The following RABGAP1L variants were observed in gnomAD, a reference collection of about 807,000 sequenced individuals.
RABGAP1L encodes the protein RAB GTPase activating protein 1 like, also known as rab GTPase-activating protein 1-like.
A neutral mutation model predicts 137.7 loss-of-function variants in RABGAP1L; 63 were observed. That is an observed-to-expected ratio of 0.46 (90% CI 0.37 to 0.56). RABGAP1L has a LOEUF of 0.56. Among genes scored for constraint, RABGAP1L ranks in the 20% least tolerant of loss-of-function variants. The pLI is 0.00. For synonymous variants in RABGAP1L, 431 were observed against 433.7 expected, an observed-to-expected ratio of 0.99 and a Z score of 0.08; for missense variants, 1,095 against 1,244.0, an observed-to-expected ratio of 0.88 and a Z score of 1.80.
intron 11 of RABGAP1L, among the ~76,000 whole-genome samples, chr1:174,327,442 CTG>C (rs1476589031): frequency 1.3e-5 from 2 of 151,656 alleles, no homozygotes; most frequent in Non-Finnish European, 2.9e-5. Context: ...AATAATATAA[CTG>C]TAAGATGTTT....
chr1:174,301,508 A>G (rs1171613703), intron 10 of RABGAP1L, among the ~76,000 whole-genome samples: 1 of 151,568 alleles, frequency 6.6e-6, no homozygotes, highest in East Asian at 2.0e-4. Context: ...GAGGGCCACA[A>G]TGTTACAGCC....
intron 13 of RABGAP1L, among the ~76,000 whole-genome samples, chr1:174,536,051 G>A (rs1446582147): frequency 6.6e-6 from 1 of 152,010 alleles, no homozygotes; most frequent in African/African-American, 2.4e-5. Flanking sequence ...TATATTTGTG[G>A]TTTCTGTAGG....
chr1:174,596,984 T>C (rs866824241), intron 13 of RABGAP1L, among the ~76,000 whole-genome samples: 38 of 152,236 alleles, frequency 2.5e-4, no homozygotes, highest in African/African-American at 8.7e-4. Flanking sequence ...TCATATGGTC[T>C]ACGTCCTTCA....
At chr1:174,937,419 G>C (rs566854355) in intron 19 of RABGAP1L, among the ~76,000 whole-genome samples, 2 of 148,462 alleles carry the variant, frequency 1.3e-5, no homozygotes, top group African/African-American at 5.0e-5. Context: ...CAAGTAGCTG[G>C]GATAATAGGT....
intron 13 of RABGAP1L, among the ~76,000 whole-genome samples, chr1:174,561,886 T>TA (rs1433458827): frequency 6.6e-6 from 1 of 152,088 alleles, no homozygotes; most frequent in Non-Finnish European, 1.5e-5. Context: ...ACATAAGACC[T>TA]AAAACCATAA....
chr1:174,362,084 TC>T (rs1484951220), intron 11 of RABGAP1L, among the ~76,000 whole-genome samples: 33 of 152,348 alleles, frequency 2.2e-4, no homozygotes, highest in African/African-American at 7.7e-4. Flanking sequence ...GGTCTCCATC[TC>T]CATCCATGTC....
chr1:174,984,522 C>T (rs947156684), intron 24 of RABGAP1L, among the ~76,000 whole-genome samples: 1 of 152,154 alleles, frequency 6.6e-6, no homozygotes, highest in Non-Finnish European at 1.5e-5. Flanking sequence ...GGGCAGATCA[C>T]CTGAGGTCAG....
At chr1:174,843,275 G>T (rs1485414521) in intron 19 of RABGAP1L, among the ~76,000 whole-genome samples, 1 of 127,916 alleles carries the variant, frequency 7.8e-6, no homozygotes, top group Non-Finnish European at 1.6e-5. Flanking sequence ...TGTGCACATT[G>T]TGCAGGTTAG....
intron 13 of RABGAP1L, among the ~76,000 whole-genome samples, chr1:174,515,831 T>C (rs1335964254): frequency 6.6e-6 from 1 of 151,908 alleles, no homozygotes; most frequent in Non-Finnish European, 1.5e-5. Context: ...GGCATAACTC[T>C]GGAAATTATT....
At chr1:174,234,276 T>G (rs2148519158) in intron 4 of RABGAP1L, among the ~76,000 whole-genome samples, 1 of 117,702 alleles carries the variant, frequency 8.5e-6, no homozygotes, top group African/African-American at 4.6e-5. Flanking sequence ...TTTAATTAGA[T>G]CCCATTTGTC....
At chr1:174,771,886 G>A (rs1686136907) in intron 18 of RABGAP1L, among the ~76,000 whole-genome samples, 1 of 152,204 alleles carries the variant, frequency 6.6e-6, no homozygotes, top group Non-Finnish European at 1.5e-5. Context: ...TGTATCTGAT[G>A]CTGTGCTAAG....
At chr1:174,169,299 AGCCTCTG>A (rs1665157127) in intron 1 of RABGAP1L, among the ~76,000 whole-genome samples, 2 of 151,760 alleles carry the variant, frequency 1.3e-5, no homozygotes, top group Admixed American at 1.3e-4. Flanking sequence ...GGCTCACTGC[AGCCTCTG>A]ACCTCTGCCT....
chr1:174,660,698 C>A (rs569338462), intron 14 of RABGAP1L, among the ~76,000 whole-genome samples: 1 of 152,308 alleles, frequency 6.6e-6, no homozygotes, highest in East Asian at 1.9e-4. Context: ...GAGCCCTTGC[C>A]CTGGCTGTTC....
At chr1:174,974,494 C>G (rs1186332237) in intron 21 of RABGAP1L, among the ~76,000 whole-genome samples, 1 of 152,142 alleles carries the variant, frequency 6.6e-6, no homozygotes, top group African/African-American at 2.4e-5. Flanking sequence ...TGATGTACAT[C>G]AGGTGACTTA....
intron 5 of RABGAP1L, chr1:174,245,003 T>G (rs1465876361): frequency 1.3e-5 from 2 of 152,232 alleles, no homozygotes; most frequent in Non-Finnish European, 2.9e-5. Flanking sequence ...ATACTTATTC[T>G]TATTGCATTG....
chr1:174,796,424 C>T (rs1231922183), intron 18 of RABGAP1L, among the ~76,000 whole-genome samples: 1 of 152,146 alleles, frequency 6.6e-6, no homozygotes, highest in African/African-American at 2.4e-5. Context: ...GCTTTTAGGG[C>T]TTCAAAAATC....
rs61468070 is a variant in RABGAP1L at position 174,274,606 on chromosome 1, C to CTGTGTGTGTGTGTGTGTGTGTG, written c.1054-1215_1054-1194dup. ...CCCTATCATTAAGCAACAGGTGACT[C>CTGTGTGTGTGTGTGTGTGTGTG]TGTGTGTGTGTGTGTGTGTGTGTGT... On this transcript the variant is annotated intron_variant, in intron 8 of 25. Coordinates refer to ENST00000681986, the MANE Select transcript of RABGAP1L (RefSeq NM_001366446.1). Among the ~76,000 whole-genome samples, 68 of 146,160 alleles carry CTGTGTGTGTGTGTGTGTGTGTG rather than the reference C, an allele frequency of 4.7e-4. 1 individual carries two copies. Among genetic ancestry groups the CTGTGTGTGTGTGTGTGTGTGTG allele is most frequent in the African/African-American group, 1.7e-3 (67 of 39,176 alleles).
chr1:174,223,264 TAAAAAAAAAAA>T (rs550034492), intron 3 of RABGAP1L, among the ~76,000 whole-genome samples: 7 of 39,850 alleles, frequency 1.8e-4, no homozygotes, highest in Admixed American at 5.2e-4. Flanking sequence ...AGACTCTGTC[TAAAAAAAAAAA>T]AAAAAAAAAA....
At chr1:174,567,145 A>G (rs772576499) in intron 13 of RABGAP1L, among the ~76,000 whole-genome samples, 13 of 152,092 alleles carry the variant, frequency 8.5e-5, no homozygotes, top group Non-Finnish European at 1.6e-4. Flanking sequence ...TATCCCCAAC[A>G]AAAACTATGC....
Sources: gnomAD v4.1 joint callset for allele counts (sites outside exome capture counted in the v4.1 genomes callset) on GRCh38, gnomAD v4.1.1 for gene constraint, MANE v1.5 for transcripts, NCBI Gene and HGNC (gene_info 2026-07-23, HGNC 2026-07-21) for gene names.